The following TMEFF1 variants were observed in gnomAD, a reference collection of about 807,000 sequenced individuals.
TMEFF1 encodes tomoregulin-1.
A neutral mutation model predicts 47.5 loss-of-function variants in TMEFF1; 20 were observed. That is an observed-to-expected ratio of 0.42 (90% CI 0.30 to 0.61). The LOEUF (loss-of-function observed/expected upper bound fraction) is 0.61, where lower values mean the gene tolerates loss of function less well. TMEFF1 is among the 20% of genes least tolerant of loss of function. The pLI, the probability that TMEFF1 is intolerant of heterozygous loss-of-function variation, is 0.19. For missense variants in TMEFF1, 411 were observed against 471.1 expected (o/e 0.87, Z 1.18); for synonymous variants, 162 against 166.3 (o/e 0.97, Z 0.20).
intron 7 of TMEFF1, among the ~76,000 whole-genome samples, chr9:100,553,598 T>C (rs1223731860): frequency 1.3e-5 from 2 of 152,238 alleles, no homozygotes; most frequent in East Asian, 3.8e-4. Flanking sequence ...TTGGAAAACC[T>C]GTGGTAAATA....
intron 5 of TMEFF1, among the ~76,000 whole-genome samples, chr9:100,536,689 C>G (rs1431492251): frequency 6.6e-6 from 1 of 152,024 alleles, no homozygotes; most frequent in Non-Finnish European, 1.5e-5. Flanking sequence ...ACCTCTTTTT[C>G]TTTTTTGGTA....
At chr9:100,501,378 T>A (rs1488109159) in intron 2 of TMEFF1, among the ~76,000 whole-genome samples, 1 of 152,200 alleles carries the variant, frequency 6.6e-6, no homozygotes, top group Non-Finnish European at 1.5e-5. Flanking sequence ...TTATTTGCAT[T>A]TGATTACTAG....
intron 5 of TMEFF1, among the ~76,000 whole-genome samples, chr9:100,529,367 C>CT (rs1363854179): frequency 6.6e-6 from 1 of 150,698 alleles, no homozygotes; most frequent in Non-Finnish European, 1.5e-5. Context: ...CAGAGACACA[C>CT]ATAGGCTCAA....
intron 7 of TMEFF1, among the ~76,000 whole-genome samples, chr9:100,554,298 G>A (rs1415631359): frequency 2.0e-5 from 3 of 152,120 alleles, no homozygotes; most frequent in Admixed American, 6.6e-5. Flanking sequence ...TGAGCCAAGC[G>A]CTAAGATCAA....
intron 5 of TMEFF1, among the ~76,000 whole-genome samples, chr9:100,535,144 T>G (rs1838478199): frequency 6.6e-6 from 1 of 152,228 alleles, no homozygotes. Context: ...TATATATTTT[T>G]AATATATGGT....
chr9:100,568,174 C>A (rs1408270658), intron 8 of TMEFF1, among the ~76,000 whole-genome samples: 1 of 152,110 alleles, frequency 6.6e-6, no homozygotes, highest in Non-Finnish European at 1.5e-5. Flanking sequence ...AAAATGATAT[C>A]CAGGGAGAAC....
rs1171185016 is a variant in TMEFF1, at chr9:100,537,932, TTC to T, written c.561-9810_561-9809del. ...AATATTCTTATGAACTAAAATTTTTTTCTGTTTCCTTAATTTTTAAATTATAA... is the reference window on the plus strand; with the variant it reads ...AATATTCTTATGAACTAAAATTTTTTTGTTTCCTTAATTTTTAAATTATAA... On this transcript the variant is annotated intron_variant, in intron 5 of 9. Transcript: ENST00000374879. Among the ~76,000 whole-genome samples the T allele has an allele frequency of 9.8e-5, 15 of 152,334 alleles. No individual in the cohort carries two copies. In the East Asian group the frequency reaches 1.9e-3, roughly 20 times the overall value.
intron 7 of TMEFF1, 112 bp from the exon 8 acceptor site, chr9:100,561,285 C>T: frequency 6.7e-6 from 10 of 1,497,928 alleles, no homozygotes; most frequent in Non-Finnish European, 8.0e-6. Flanking sequence ...TTCAAATTGC[C>T]AGTAGGTGGT....
chr9:100,527,127 A>G (rs1838275289), intron 5 of TMEFF1, among the ~76,000 whole-genome samples: 2 of 151,548 alleles, frequency 1.3e-5, no homozygotes, highest in Non-Finnish European at 2.9e-5. Flanking sequence ...TGGGCGACAG[A>G]GTGAAACTCT....
At chr9:100,476,166 C>A (rs1252187789) in intron 1 of TMEFF1, among the ~76,000 whole-genome samples, 1 of 152,094 alleles carries the variant, frequency 6.6e-6, no homozygotes, top group African/African-American at 2.4e-5. Context: ...ATAACTGGGT[C>A]TAAAGCTAGA....
chr9:100,526,556 G>A lies in TMEFF1; in HGVS notation c.560+9785G>A, dbSNP rs554307388. ...TTCCAGGAGCTCATTTTTGTTTTCA[G>A]AGTACTCATTTTTAGAGCACTTTAC... On this transcript the variant is annotated intron_variant, in intron 5 of 9. Transcript: ENST00000374879. Among the ~76,000 whole-genome samples the A allele has an allele frequency of 8.8e-4, 134 of 152,002 alleles. 2 individuals carry two copies. The highest frequency in any genetic ancestry group is 1.4e-3 in the Non-Finnish European group (92 of 67,974).
chr9:100,563,240 A>G (rs1290326198), intron 8 of TMEFF1, among the ~76,000 whole-genome samples: 4 of 152,240 alleles, frequency 2.6e-5, no homozygotes, highest in Admixed American at 2.6e-4. Flanking sequence ...GGTGTGAGCC[A>G]TTGCTCCTGG....
intron 5 of TMEFF1, among the ~76,000 whole-genome samples, chr9:100,525,374 C>A (rs999045780): frequency 1.3e-5 from 2 of 152,028 alleles, no homozygotes; most frequent in African/African-American, 4.8e-5. Context: ...AGTTCCCATG[C>A]CCTAGCTAAT....
rs988429464 is a variant in TMEFF1 at position 100,473,914 on chromosome 9, C to T, written c.196+174C>T. ...CGAGCGTGCGGTGTGGCTTTGGGAC[C>T]GGCGCTGGGGATGGGAGTGGCCGTG... On this transcript the variant is annotated intron_variant, in intron 1 of 9. Transcript: ENST00000374879. This position sits in a 1 kb window ranked among gnomAD's most constrained non-coding sequence, Gnocchi z 5.4. 2.0e-5 allele frequency among the ~76,000 whole-genome samples: 3 copies of T among 151,182 alleles called. No homozygotes were observed. Among genetic ancestry groups the T allele is most frequent in the Non-Finnish European group, 3.0e-5 (2 of 67,786 alleles).
At chr9:100,559,589 T>G (rs73657324) in intron 7 of TMEFF1, among the ~76,000 whole-genome samples, 17,750 of 152,158 alleles carry the variant, frequency 0.12, 1,161 homozygotes, top group Middle Eastern at 0.18. Flanking sequence ...ATTGGCTATA[T>G]TGGATTAAAA....
At chr9:100,560,282 T>A (rs1564027717) in intron 7 of TMEFF1, among the ~76,000 whole-genome samples, 1 of 152,162 alleles carries the variant, frequency 6.6e-6, no homozygotes, top group Non-Finnish European at 1.5e-5. Flanking sequence ...GAAGTATAGG[T>A]CCTATTATTC....
chr9:100,539,306 C>T (rs1838577940), intron 5 of TMEFF1, among the ~76,000 whole-genome samples: 1 of 152,146 alleles, frequency 6.6e-6, no homozygotes, highest in Non-Finnish European at 1.5e-5. Flanking sequence ...AAGTTGCTGT[C>T]CCAGTAAGCT....
intron 6 of TMEFF1, among the ~76,000 whole-genome samples, chr9:100,549,006 A>C (rs1251154371): frequency 6.6e-6 from 1 of 152,156 alleles, no homozygotes; most frequent in Non-Finnish European, 1.5e-5. Context: ...TTCTCTGAGG[A>C]AAAGATGCAT....
intron 1 of TMEFF1, among the ~76,000 whole-genome samples, chr9:100,494,157 T>C (rs1587819398): frequency 1.4e-5 from 2 of 146,820 alleles, no homozygotes; most frequent in East Asian, 4.0e-4. Context: ...CAGTGAGCCG[T>C]GTTCACACCA....
Sources: gnomAD v4.1 joint callset for allele counts (sites outside exome capture counted in the v4.1 genomes callset) on GRCh38, gnomAD v4.1.1 for gene constraint, Gnocchi (gnomAD v3.1) non-coding constraint, MANE v1.5 for transcripts, NCBI Gene and HGNC (gene_info 2026-07-23, HGNC 2026-07-21) for gene names.